ATRN: variants seen among roughly 807,000 people sequenced by gnomAD.
ATRN encodes the protein attractin-2.
A neutral mutation model predicts 178.7 loss-of-function variants in ATRN; 54 were observed. The ratio of observed to expected loss-of-function variants is 0.30; its 90% CI spans 0.24 to 0.38. ATRN has a LOEUF of 0.38. Ranked by LOEUF, ATRN falls within the 10% of genes least tolerant of loss-of-function variation. ATRN has a pLI of 1.00. For missense variants in ATRN, 1,443 were observed against 1,815.1 expected (o/e 0.79, Z 3.73); for synonymous variants, 636 against 663.0 (o/e 0.96, Z 0.63).
intron 4 of ATRN, among the ~76,000 whole-genome samples, chr20:3,547,025 T>G (rs1235721151): frequency 6.6e-6 from 1 of 152,206 alleles, no homozygotes; most frequent in African/African-American, 2.4e-5. Context: ...TCCTTTAATT[T>G]CTTTGACTTT....
At chr20:3,535,091 T>C (rs1417309867) in intron 1 of ATRN, among the ~76,000 whole-genome samples, 162 bp from the exon 2 acceptor site, 1 of 151,850 alleles carries the variant, frequency 6.6e-6, no homozygotes, top group African/African-American at 2.4e-5. Context: ...ATATAACTAG[T>C]CATTTTCTAC....
intron 25 of ATRN, among the ~76,000 whole-genome samples, 193 bp from the exon 26 acceptor site, chr20:3,634,118 T>G (rs1041256321): frequency 6.6e-6 from 1 of 152,198 alleles, no homozygotes; most frequent in Non-Finnish European, 1.5e-5. Flanking sequence ...AGAGGCCTGG[T>G]TAGGAAGCCT....
intron 6 of ATRN, among the ~76,000 whole-genome samples, chr20:3,550,859 A>C (rs2085777294): frequency 6.6e-6 from 1 of 152,094 alleles, no homozygotes; most frequent in Non-Finnish European, 1.5e-5. Flanking sequence ...GAAGCCCCAG[A>C]GTTGTTCAGG....
chr20:3,553,419 C>G (rs1229556009), intron 6 of ATRN, among the ~76,000 whole-genome samples: 1 of 152,188 alleles, frequency 6.6e-6, no homozygotes, highest in Non-Finnish European at 1.5e-5. Context: ...CTGCTGTTAT[C>G]TCTTACTTAG....
chr20:3,627,389 A>G (rs1260312278), intron 25 of ATRN, among the ~76,000 whole-genome samples: 1 of 152,244 alleles, frequency 6.6e-6, no homozygotes, highest in East Asian at 1.9e-4. Context: ...TAGAAAAGAA[A>G]AAACATTCCT....
At chr20:3,492,836 GA>G in intron 1 of ATRN, among the ~76,000 whole-genome samples, 1 of 119,086 alleles carries the variant, frequency 8.4e-6, no homozygotes, top group African/African-American at 3.9e-5. Flanking sequence ...AATAGAAAGG[GA>G]GAGAGAGAGA....
intron 24 of ATRN, among the ~76,000 whole-genome samples, chr20:3,621,767 A>G (rs1276367383): frequency 6.6e-6 from 1 of 152,202 alleles, no homozygotes; most frequent in African/African-American, 2.4e-5. Flanking sequence ...TGAAACCAAA[A>G]AGTATGGGAA....
intron 18 of ATRN, among the ~76,000 whole-genome samples, 158 bp downstream of exon 18, chr20:3,585,038 A>G (rs979209869): frequency 6.6e-6 from 1 of 152,236 alleles, no homozygotes; most frequent in African/African-American, 2.4e-5. Context: ...AAGCTGGTCC[A>G]AGGCCTGACC....
At chr20:3,582,611 T>C (rs982146052) in intron 16 of ATRN, among the ~76,000 whole-genome samples, 1 of 152,136 alleles carries the variant, frequency 6.6e-6, no homozygotes, top group African/African-American at 2.4e-5. Context: ...AACAATGAGA[T>C]TGATAGGTTT....
intron 7 of ATRN, among the ~76,000 whole-genome samples, chr20:3,560,338 G>T (rs143202703): frequency 6.6e-6 from 1 of 151,990 alleles, no homozygotes; most frequent in Non-Finnish European, 1.5e-5. Context: ...TCTTTTTAAC[G>T]GCTGAATAAT....
intron 1 of ATRN, among the ~76,000 whole-genome samples, chr20:3,503,713 G>T (rs1470368462): frequency 6.6e-6 from 1 of 152,066 alleles, no homozygotes; most frequent in Non-Finnish European, 1.5e-5. Flanking sequence ...AAAATGACTT[G>T]TGGGGCAATA....
chr20:3,471,603 A>T, intron 1 of ATRN, 86 bp downstream of exon 1: 1 of 1,343,894 alleles, frequency 7.4e-7, no homozygotes, highest in South Asian at 1.9e-5. Context: ...TCAGAGGGAG[A>T]TGCTGGACAG....
At chr20:3,527,481 G>C (rs2085383380) in intron 1 of ATRN, among the ~76,000 whole-genome samples, 1 of 152,216 alleles carries the variant, frequency 6.6e-6, no homozygotes, top group South Asian at 2.1e-4. Flanking sequence ...TGGTAGGAGT[G>C]TAAATAAGTT....
At chr20:3,604,082 C>A in intron 23 of ATRN, 23 bp from the exon 24 acceptor site, 1 of 1,557,664 alleles carries the variant, frequency 6.4e-7, no homozygotes, top group South Asian at 1.2e-5. Flanking sequence ...TGTCTCTTCT[C>A]TTTCATGTTT....
intron 1 of ATRN, 29 bp from the exon 2 acceptor site, chr20:3,535,224 T>C: frequency 8.3e-7 from 1 of 1,209,922 alleles, no homozygotes; most frequent in Non-Finnish European, 1.1e-6. Context: ...ATAGCAGACT[T>C]AAGTTTTCTT....
chr20:3,506,509 A>T (rs1177442873), intron 1 of ATRN, among the ~76,000 whole-genome samples: 2 of 152,086 alleles, frequency 1.3e-5, no homozygotes, highest in Admixed American at 6.6e-5. Context: ...CTGTAATGCC[A>T]GCTAATTAGG....
chr20:3,628,607 A>G (rs1330202144), intron 25 of ATRN, among the ~76,000 whole-genome samples: 1 of 152,140 alleles, frequency 6.6e-6, no homozygotes, highest in Non-Finnish European at 1.5e-5. Flanking sequence ...TGTCTTGGTT[A>G]TCAGATCTAA....
intron 7 of ATRN, among the ~76,000 whole-genome samples, chr20:3,560,042 T>A (rs944596246): frequency 3.3e-5 from 5 of 152,164 alleles, no homozygotes; most frequent in African/African-American, 1.2e-4. Flanking sequence ...AATTTATTTT[T>A]TACTGAGGTA....
chr20:3,507,283 G>T (rs1032131838), intron 1 of ATRN, among the ~76,000 whole-genome samples: 1 of 151,766 alleles, frequency 6.6e-6, no homozygotes, highest in Non-Finnish European at 1.5e-5. Context: ...GGTGGTGGGT[G>T]CCTGTAATCC....
Sources: gnomAD v4.1 joint callset for allele counts (sites outside exome capture counted in the v4.1 genomes callset) on GRCh38, gnomAD v4.1.1 for gene constraint, MANE v1.5 for transcripts, NCBI Gene and HGNC (gene_info 2026-07-23, HGNC 2026-07-21) for gene names.